The following CEP192 variants were observed in gnomAD, a reference collection of about 807,000 sequenced individuals.
The protein encoded by CEP192 is centrosomal protein 192.
Under a neutral mutation model 271.8 loss-of-function variants are expected in CEP192, and 151 were observed. That is an observed-to-expected ratio of 0.56 (90% CI 0.49 to 0.64). The LOEUF is 0.64. Ranked by LOEUF, CEP192 falls within the 30% of genes least tolerant of loss-of-function variation. CEP192 has a pLI of 0.00. For synonymous variants in CEP192, 995 were observed against 1,076.5 expected (o/e 0.92, Z 1.48); for missense variants, 2,910 against 3,020.5 (o/e 0.96, Z 0.86).
rs536455438 is a variant in CEP192 at position 13,069,072 on chromosome 18, C to G, written c.4963-17C>G. Reference sequence around the variant, plus strand: ...TGTGACAGTTCGTTGAAATGTCTGTCTTGCCCCATCCTCCAGACGATGCAT... The same window carrying G: ...TGTGACAGTTCGTTGAAATGTCTGTGTTGCCCCATCCTCCAGACGATGCAT... On this transcript the variant is annotated splice_polypyrimidine_tract_variant and intron_variant, in intron 25 of 44. Transcript: ENST00000506447. The G allele has an allele frequency of 1.2e-6, 2 of 1,614,002 alleles. No individual in the cohort carries two copies. Among genetic ancestry groups the G allele is most frequent in the Non-Finnish European group, 1.7e-6 (2 of 1,179,850 alleles).
chr18:13,072,017 T>C (rs1236687793), intron 28 of CEP192, among the ~76,000 whole-genome samples: 2 of 152,354 alleles, frequency 1.3e-5, no homozygotes, highest in South Asian at 2.1e-4. Flanking sequence ...TTTCACGTAA[T>C]TCTTCCCCAG....
At chr18:13,101,405 T>G (rs930505209) in intron 38 of CEP192, among the ~76,000 whole-genome samples, 1 of 152,174 alleles carries the variant, frequency 6.6e-6, no homozygotes, top group Non-Finnish European at 1.5e-5. Flanking sequence ...TACTGGGACG[T>G]GAGGAGCATT....
intron 15 of CEP192, among the ~76,000 whole-genome samples, chr18:13,047,518 C>G (rs912813881): frequency 3.9e-5 from 6 of 152,194 alleles, no homozygotes; most frequent in African/African-American, 1.2e-4. Flanking sequence ...GGGCTTACCT[C>G]TCTGGGTTAC....
chr18:13,083,633 A>T (rs888970582), intron 30 of CEP192, among the ~76,000 whole-genome samples: 18 of 152,158 alleles, frequency 1.2e-4, no homozygotes, highest in Admixed American at 1.0e-3. Context: ...CATCAAAGTC[A>T]TTGTCCATGC....
In CEP192 at chr18:13,042,196, T is replaced by A; in HGVS notation, c.1937-8T>A. On this transcript the variant is annotated splice_polypyrimidine_tract_variant and splice_region_variant and intron_variant, in intron 14 of 44. Transcript: ENST00000506447. ...ACTTATAAGTTGAATATTATATATT[T>A]CCTGCAGGAGATTTAAATGAACAGT... is the stretch of plus-strand genomic sequence containing the variant. 1 of 1,608,838 alleles carries A rather than the reference T, an allele frequency of 6.2e-7. No homozygotes were observed. The highest frequency in any genetic ancestry group is 1.1e-5 in the South Asian group (1 of 90,584).
At chr18:12,997,558 A>G (rs1044050180) in intron 1 of CEP192, among the ~76,000 whole-genome samples, 13 of 152,134 alleles carry the variant, frequency 8.5e-5, no homozygotes, top group Admixed American at 3.9e-4. Context: ...AATGCCTGGG[A>G]AAGGAGGAGA....
intron 44 of CEP192, among the ~76,000 whole-genome samples, chr18:13,122,691 G>T (rs2040726152): frequency 6.6e-6 from 1 of 152,216 alleles, no homozygotes; most frequent in Admixed American, 6.5e-5. Context: ...GGGGCTGAGT[G>T]TGCACAGCCT....
chr18:13,015,389 A>G lies in CEP192; in HGVS notation c.581A>G (p.His194Arg), dbSNP rs1391720187. 6.4e-7 allele frequency: 1 copy of G among 1,551,028 alleles called. No individual in the cohort carries two copies. Among genetic ancestry groups the G allele is most frequent in the Non-Finnish European group, 8.7e-7 (1 of 1,146,534 alleles). ...AAGACTCTAAAGAGTGACCTAAGCC[A>G]CACTAGCTTATTAGAAAATGAGAAA... ...EDKTLKSDLS[H>R]TSLLENEKLI... Residue 194 changes from histidine (H) to arginine (R), a missense_variant, in exon 6 of 45, where the codon CAC (histidine) becomes CGC (arginine). By Grantham distance (29) the His-to-Arg change is conservative (BLOSUM62 0). Coordinates refer to ENST00000506447, the MANE Select transcript of CEP192 (RefSeq NM_032142.4).
chr18:13,115,866 G>A (rs1217730540), intron 42 of CEP192, among the ~76,000 whole-genome samples: 1 of 152,158 alleles, frequency 6.6e-6, no homozygotes, highest in Non-Finnish European at 1.5e-5. Context: ...GGTGTGAGGG[G>A]AAGGTCAGAT....
At chr18:13,060,284 T>A (rs983964459) in intron 21 of CEP192, among the ~76,000 whole-genome samples, 1 of 152,202 alleles carries the variant, frequency 6.6e-6, no homozygotes, top group African/African-American at 2.4e-5. Context: ...AACACCATGA[T>A]AAGTGTTTCT....
chr18:13,015,464 C>A lies in CEP192; in HGVS notation c.640+16C>A. On this transcript the variant is annotated intron_variant, in intron 6 of 44. Coordinates refer to ENST00000506447, the MANE Select transcript of CEP192 (RefSeq NM_032142.4). ...GATTCTTCTGGTACTGCAGAGTAAC[C>A]TGTGTTTCCCTGGTCTTCACCTTGC... The A allele has an allele frequency of 6.5e-7, 1 of 1,549,624 alleles. No homozygotes were observed. Among genetic ancestry groups the A allele is most frequent in the Non-Finnish European group, 8.7e-7 (1 of 1,146,108 alleles).
intron 5 of CEP192, among the ~76,000 whole-genome samples, chr18:13,014,742 T>G (rs2034546824): frequency 6.6e-6 from 1 of 152,174 alleles, no homozygotes; most frequent in African/African-American, 2.4e-5. Flanking sequence ...GTTTCTGTCT[T>G]AAAAATCAGT....
chr18:13,099,484 T>C lies in CEP192; in HGVS notation c.6566T>C (p.Leu2189Pro). Residue 2189 changes from leucine (L) to proline (P), a missense_variant, in exon 37 of 45, where the codon CTA becomes CCA. Coordinates refer to ENST00000506447, the MANE Select transcript of CEP192 (RefSeq NM_032142.4). The stretch of plus-strand genomic sequence containing the variant: ...ATTAATTTTTTTTAAAGGAGTAAAC[T>C]ACAAATTCTTGTGAGTCCTAATTCC... ...QHGCVAPESK[L>P]QILVSPNSSL... 6.4e-7 allele frequency: 1 copy of C among 1,554,270 alleles called. No homozygotes were observed. Among genetic ancestry groups the C allele is most frequent in the Non-Finnish European group, 8.7e-7 (1 of 1,144,128 alleles).
In CEP192 at chr18:13,088,681, T is replaced by C. The variant is rs994806187; in HGVS notation, c.5994-775T>C. The C allele has an allele frequency of 1.6e-4, 38 of 230,444 alleles. No homozygotes were observed. The Middle Eastern group carries it at 2.9e-3, about 18-fold the overall frequency. 14.3% of individuals were successfully genotyped at this position (230,444 alleles called of 1,614,324 possible). A position where few individuals can be genotyped will look rare whatever the true frequency, so the allele number is the denominator to read the frequency against. On this transcript the variant is annotated intron_variant, in intron 32 of 44. Transcript: ENST00000506447. ...GTGGAGGAATACGCCTGTTTCCTTCTGACCCTTTGTGCTTGACTGTTTTTT... is the reference window on the plus strand; with the variant it reads ...GTGGAGGAATACGCCTGTTTCCTTCCGACCCTTTGTGCTTGACTGTTTTTT...
rs995293102 is a variant in CEP192 at position 13,087,628 on chromosome 18, C to CA, written c.5977dup (p.Arg1993LysfsTer11). The CA allele has an allele frequency of 9.6e-6, 15 of 1,554,620 alleles. No homozygotes were observed. Among genetic ancestry groups the CA allele is most frequent in the Non-Finnish European group, 1.3e-5 (15 of 1,144,830 alleles). ...TACTTATTTGGTGGAGATGAAATTT[C>CA]AAGACAGCAGTATCGCAGGTAGATT... On this transcript the variant is annotated frameshift_variant, in exon 32 of 45. Transcript: ENST00000506447. LOFTEE classifies it high-confidence loss of function.
intron 29 of CEP192, 24 bp from the exon 30 acceptor site, chr18:13,072,985 C>T: frequency 6.3e-7 from 1 of 1,593,456 alleles, no homozygotes; most frequent in Non-Finnish European, 8.6e-7. Flanking sequence ...TTGTTTTATG[C>T]ATTTAACTGT....
intron 32 of CEP192, 106 bp from the exon 33 acceptor site, chr18:13,089,350 A>G (rs2039036029): frequency 1.8e-6 from 1 of 563,512 alleles, no homozygotes; most frequent in Admixed American, 3.6e-5. Context: ...GTGTACTAAT[A>G]TATCAGTATT....
chr18:13,020,414 AT>A (rs1278990065), intron 9 of CEP192, among the ~76,000 whole-genome samples: 1 of 151,874 alleles, frequency 6.6e-6, no homozygotes, highest in African/African-American at 2.4e-5. Context: ...TCAACATTTC[AT>A]TTTTTCTTAT....
At chr18:13,030,993 A>G (rs1016194292) in intron 11 of CEP192, among the ~76,000 whole-genome samples, 2 of 152,202 alleles carry the variant, frequency 1.3e-5, no homozygotes, top group Non-Finnish European at 2.9e-5. Context: ...TGTGGTAGAA[A>G]TGATGGAAGA....
Sources: allele counts gnomAD v4.1 joint callset (sites outside exome capture counted in the v4.1 genomes callset), GRCh38; gene constraint gnomAD v4.1.1; transcripts MANE v1.5; gene names NCBI Gene and HGNC (gene_info 2026-07-23, HGNC 2026-07-21).